SLC49A4: variants seen among roughly 807,000 people sequenced by gnomAD.
The protein encoded by SLC49A4 is solute carrier family 49 member 4.
Under a neutral mutation model 50.6 loss-of-function variants are expected in SLC49A4, and 36 were observed. The ratio of observed to expected loss-of-function variants is 0.71; its 90% CI spans 0.55 to 0.94. The LOEUF (loss-of-function observed/expected upper bound fraction) is 0.94, where lower values mean the gene tolerates loss of function less well. Ranked by LOEUF, SLC49A4 falls within the 40% of genes least tolerant of loss-of-function variation. SLC49A4 has a pLI of 0.00. For synonymous variants in SLC49A4, 248 were observed against 241.2 expected (o/e 1.03, Z -0.26); for missense variants, 503 against 605.7 (o/e 0.83, Z 1.78).
At chr3:122,832,127 A>G (rs892541612) in intron 3 of SLC49A4, among the ~76,000 whole-genome samples, 4 of 152,220 alleles carry the variant, frequency 2.6e-5, no homozygotes, top group Non-Finnish European at 4.4e-5. Context: ...TAGAATTAAA[A>G]TTATCCAACT....
intron 4 of SLC49A4, among the ~76,000 whole-genome samples, chr3:122,835,506 C>G (rs1936667701): frequency 6.6e-6 from 1 of 151,464 alleles, no homozygotes. Context: ...GAATTAACAA[C>G]AAAAACAGTA....
At chr3:122,869,422 A>G (rs565521615) in intron 7 of SLC49A4, among the ~76,000 whole-genome samples, 9 of 152,108 alleles carry the variant, frequency 5.9e-5, no homozygotes, top group Admixed American at 5.9e-4. Flanking sequence ...CTCATTTTTA[A>G]TTGTATAATA....
At chr3:122,835,109 A>G (rs1209387307) in intron 4 of SLC49A4, among the ~76,000 whole-genome samples, 1 of 152,234 alleles carries the variant, frequency 6.6e-6, no homozygotes, top group African/African-American at 2.4e-5. Flanking sequence ...AGATGGATTC[A>G]CAGTTGAATT....
At chr3:122,808,506 G>A (rs1936254532) in intron 2 of SLC49A4, among the ~76,000 whole-genome samples, 1 of 152,196 alleles carries the variant, frequency 6.6e-6, no homozygotes, top group Non-Finnish European at 1.5e-5. Context: ...AGAGGGACAG[G>A]GATGCCTGGC....
At chr3:122,810,230 C>A (rs1936280197) in intron 2 of SLC49A4, among the ~76,000 whole-genome samples, 1 of 152,164 alleles carries the variant, frequency 6.6e-6, no homozygotes, top group Admixed American at 6.5e-5. Flanking sequence ...TAATGGTGTT[C>A]TACTTATATA....
rs78127679 is a variant in SLC49A4, at chr3:122,857,735, G to A, written c.1010+1361G>A. 7.8e-3 allele frequency among the ~76,000 whole-genome samples: 1,188 copies of A among 152,156 alleles called. 16 individuals are homozygous for A. Among genetic ancestry groups the A allele is most frequent in the African/African-American group, 0.026 (1,082 of 41,520 alleles). On this transcript the variant is annotated intron_variant, in intron 6 of 8. Coordinates refer to ENST00000261038, the MANE Select transcript of SLC49A4 (RefSeq NM_032839.3). Reference sequence around the variant, plus strand: ...AAAATACATTGACCTGTCTTATTTTGACAAGAATCATACCTCATTTTTCTA... The same window carrying A: ...AAAATACATTGACCTGTCTTATTTTAACAAGAATCATACCTCATTTTTCTA...
chr3:122,812,225 G>T (rs942002491), intron 2 of SLC49A4, among the ~76,000 whole-genome samples: 2 of 152,116 alleles, frequency 1.3e-5, no homozygotes, highest in African/African-American at 2.4e-5. Context: ...AAAGTGCTGG[G>T]ATTACAGGTG....
intron 3 of SLC49A4, among the ~76,000 whole-genome samples, chr3:122,827,948 G>A (rs1428369942): frequency 1.3e-5 from 2 of 152,198 alleles, no homozygotes; most frequent in East Asian, 1.9e-4. Flanking sequence ...CATACAGAGG[G>A]AACAGTAACT....
intron 2 of SLC49A4, among the ~76,000 whole-genome samples, chr3:122,814,024 AG>A (rs1232284553): frequency 6.6e-6 from 1 of 152,200 alleles, no homozygotes; most frequent in African/African-American, 2.4e-5. Context: ...TAATCACAGC[AG>A]TTTAGGAGGC....
chr3:122,845,700 A>G, intron 4 of SLC49A4, 63 bp from the exon 5 acceptor site: 1 of 858,624 alleles, frequency 1.2e-6, no homozygotes, highest in Non-Finnish European at 1.6e-6. Flanking sequence ...TACATTTTTC[A>G]TGACTAAGTT....
intron 7 of SLC49A4, among the ~76,000 whole-genome samples, chr3:122,868,038 C>A (rs1217343645): frequency 6.6e-6 from 1 of 151,958 alleles, no homozygotes; most frequent in Non-Finnish European, 1.5e-5. Context: ...TGGCGTGAAC[C>A]CAGGAGGCAG....
At chr3:122,836,390 G>A (rs978384901) in intron 4 of SLC49A4, among the ~76,000 whole-genome samples, 2 of 149,680 alleles carry the variant, frequency 1.3e-5, no homozygotes, top group South Asian at 2.1e-4. Context: ...TGCTGGATTC[G>A]GTTTGCCAGT....
At chr3:122,836,295 A>G (rs1936685024) in intron 4 of SLC49A4, among the ~76,000 whole-genome samples, 1 of 151,280 alleles carries the variant, frequency 6.6e-6, no homozygotes, top group African/African-American at 2.4e-5. Flanking sequence ...GCTGGATTAC[A>G]TTTATTGATT....
At chr3:122,849,078 T>C (rs1385475576) in intron 5 of SLC49A4, among the ~76,000 whole-genome samples, 2 of 152,218 alleles carry the variant, frequency 1.3e-5, no homozygotes, top group Non-Finnish European at 2.9e-5. Context: ...TTTCTATACC[T>C]GGCTTATTTC....
chr3:122,870,808 C>G (rs1273845124), intron 7 of SLC49A4, among the ~76,000 whole-genome samples: 1 of 140,208 alleles, frequency 7.1e-6, no homozygotes, highest in Non-Finnish European at 1.5e-5. Context: ...AGCAAGACTC[C>G]ATCTCAACAA....
chr3:122,873,239 G>A (rs1937218455), intron 8 of SLC49A4, among the ~76,000 whole-genome samples: 1 of 151,984 alleles, frequency 6.6e-6, no homozygotes, highest in Non-Finnish European at 1.5e-5. Context: ...GAGTGCAGTG[G>A]CACGATCTCA....
chr3:122,823,920 AG>A (rs2107564095), intron 2 of SLC49A4, among the ~76,000 whole-genome samples: 1 of 152,348 alleles, frequency 6.6e-6, no homozygotes, highest in East Asian at 1.9e-4. Context: ...CACAGTCCCC[AG>A]GACAACAGTG....
At chr3:122,846,593 T>A (rs911561174) in intron 5 of SLC49A4, among the ~76,000 whole-genome samples, 2 of 152,184 alleles carry the variant, frequency 1.3e-5, no homozygotes, top group African/African-American at 4.8e-5. Context: ...TATGCTACTT[T>A]GGTAGATGAT....
At chr3:122,870,105 G>T (rs1437028365) in intron 7 of SLC49A4, among the ~76,000 whole-genome samples, 1 of 152,094 alleles carries the variant, frequency 6.6e-6, no homozygotes, top group Non-Finnish European at 1.5e-5. Flanking sequence ...TACAAATTGT[G>T]TGGAGTACAT....
Sources: allele counts gnomAD v4.1 joint callset (sites outside exome capture counted in the v4.1 genomes callset), GRCh38; gene constraint gnomAD v4.1.1; transcripts MANE v1.5; gene names NCBI Gene and HGNC (gene_info 2026-07-23, HGNC 2026-07-21).